Variants in CEP170 observed in about 807,000 individuals in gnomAD.
CEP170 encodes the protein centrosomal protein of 170 kDa.
CEP170 carries 21 observed loss-of-function variants against 151.9 expected under a neutral mutation model. That is an observed-to-expected ratio of 0.14 (90% CI 0.10 to 0.20). The LOEUF is 0.20. Ranked by LOEUF, CEP170 falls within the 10% of genes least tolerant of loss-of-function variation. CEP170 has a pLI of 1.00. For missense variants in CEP170, 964 were observed against 1,892.9 expected (o/e 0.51, Z 9.11); for synonymous variants, 356 against 648.8 (o/e 0.55, Z 6.86).
intron 3 of CEP170, among the ~76,000 whole-genome samples, chr1:243,213,861 T>G (rs1011372022): frequency 5.9e-5 from 9 of 152,112 alleles, no homozygotes; most frequent in African/African-American, 2.2e-4. Context: ...TAGAGGCTTG[T>G]GCCACCACAC....
intron 1 of CEP170, among the ~76,000 whole-genome samples, chr1:243,228,302 C>A (rs1221838620): frequency 1.3e-5 from 2 of 152,164 alleles, no homozygotes; most frequent in African/African-American, 4.8e-5. Context: ...AAAGCTACAA[C>A]AATCAACTCG....
intron 4 of CEP170, among the ~76,000 whole-genome samples, chr1:243,210,659 G>A (rs1211450619): frequency 9.0e-6 from 1 of 111,560 alleles, no homozygotes; most frequent in Non-Finnish European, 1.7e-5. Context: ...TCTGTTGCCA[G>A]GCTACAGTGC....
rs2066530047 is a variant in CEP170 at position 243,255,255 on chromosome 1, GC to G, written c.-258del. 1 of 152,856 alleles carries G rather than the reference GC, an allele frequency of 6.5e-6. No homozygotes were observed. The highest frequency in any genetic ancestry group is 2.1e-4 in the South Asian group (1 of 4,850). The allele number at this position is 152,856 out of a possible 1,614,324, so 9.5% of individuals were successfully genotyped here. ...ATAGCGGTAACGGCAAAGACCGACTGCCTAGTGCGCAGGCGCCTCGGGAAAG... is the reference window on the plus strand; with the variant it reads ...ATAGCGGTAACGGCAAAGACCGACTGCTAGTGCGCAGGCGCCTCGGGAAAG... On this transcript the variant is annotated 5_prime_UTR_variant, in exon 1 of 20. Transcript: ENST00000366542.
At position 243,125,982 on chromosome 1, in the gene CEP170, A is replaced by G. The variant is rs2053663750; in HGVS notation, c.*467T>C. On this transcript the variant is annotated 3_prime_UTR_variant, in exon 20 of 20. Transcript: ENST00000366542. ...TATGTCATTGTGTCCAATGGTAATGAGTACTAATATAAATCCTATTATTAA... is the reference window on the plus strand; with the variant it reads ...TATGTCATTGTGTCCAATGGTAATGGGTACTAATATAAATCCTATTATTAA... The G allele has an allele frequency of 2.7e-6, 1 of 367,892 alleles. No homozygotes were observed. Among genetic ancestry groups the G allele is most frequent in the Non-Finnish European group, 5.3e-6 (1 of 189,950 alleles). 22.8% of individuals were successfully genotyped at this position (367,892 alleles called of 1,614,324 possible). A position where few individuals can be genotyped will look rare whatever the true frequency, so the allele number is the denominator to read the frequency against.
At chr1:243,239,542 T>G (rs2064613911) in intron 1 of CEP170, among the ~76,000 whole-genome samples, 1 of 152,216 alleles carries the variant, frequency 6.6e-6, no homozygotes, top group Non-Finnish European at 1.5e-5. Context: ...GAATTCAAAC[T>G]CTTCAGTTTT....
chr1:243,184,751 T>C (rs1205343800), intron 10 of CEP170, among the ~76,000 whole-genome samples: 2 of 151,958 alleles, frequency 1.3e-5, no homozygotes, highest in Non-Finnish European at 2.9e-5. Flanking sequence ...CCCTCCTCCC[T>C]GAAGAGGCCA....
At chr1:243,193,023 A>C (rs2060411737) in intron 7 of CEP170, among the ~76,000 whole-genome samples, 1 of 152,122 alleles carries the variant, frequency 6.6e-6, no homozygotes, top group African/African-American at 2.4e-5. Flanking sequence ...AACATGAAAG[A>C]AAAGTATTGG....
chr1:243,196,238 T>C (rs936330266), intron 7 of CEP170, among the ~76,000 whole-genome samples: 3 of 152,038 alleles, frequency 2.0e-5, no homozygotes, highest in African/African-American at 7.2e-5. Context: ...GGCTGAAATA[T>C]TAAAACTTCT....
At chr1:243,180,537 A>G (rs1185644251) in intron 10 of CEP170, among the ~76,000 whole-genome samples, 2 of 152,222 alleles carry the variant, frequency 1.3e-5, no homozygotes, top group Non-Finnish European at 2.9e-5. Context: ...CTATTGTCCA[A>G]GGCTCTCACT....
At chr1:243,192,497 T>G (rs2060368381) in intron 7 of CEP170, among the ~76,000 whole-genome samples, 1 of 152,184 alleles carries the variant, frequency 6.6e-6, no homozygotes, top group Non-Finnish European at 1.5e-5. Flanking sequence ...AAGCAAAGCA[T>G]GTCCATTATC....
intron 1 of CEP170, among the ~76,000 whole-genome samples, chr1:243,229,557 C>T (rs1306089190): frequency 6.6e-6 from 1 of 152,142 alleles, no homozygotes; most frequent in African/African-American, 2.4e-5. Context: ...TTCATGGTAG[C>T]AGCTATCACT....
At chr1:243,227,248 T>A (rs2063371881) in intron 1 of CEP170, among the ~76,000 whole-genome samples, 1 of 148,846 alleles carries the variant, frequency 6.7e-6, no homozygotes, top group African/African-American at 2.5e-5. Context: ...TCTTGACAGC[T>A]CAAATATTAT....
chr1:243,212,624 A>G (rs2061909353), intron 3 of CEP170, among the ~76,000 whole-genome samples: 1 of 152,226 alleles, frequency 6.6e-6, no homozygotes, highest in African/African-American at 2.4e-5. Flanking sequence ...AAGACAAAAG[A>G]ATAACAGAAG....
chr1:243,212,352 C>A (rs2061883960), intron 3 of CEP170, among the ~76,000 whole-genome samples: 1 of 152,074 alleles, frequency 6.6e-6, no homozygotes, highest in Middle Eastern at 3.2e-3. Flanking sequence ...TATGTGTAAG[C>A]ATTGACATTT....
chr1:243,250,139 G>A (rs2065808191), intron 1 of CEP170, among the ~76,000 whole-genome samples: 1 of 152,104 alleles, frequency 6.6e-6, no homozygotes, highest in Admixed American at 6.6e-5. Flanking sequence ...CATCCGAATG[G>A]TTTTCATTAT....
At chr1:243,129,825 T>C (rs1013559101) in intron 17 of CEP170, among the ~76,000 whole-genome samples, 1 of 151,958 alleles carries the variant, frequency 6.6e-6, no homozygotes, top group African/African-American at 2.4e-5. Context: ...CAGTCAAGCA[T>C]GGTCCGTAAC....
intron 10 of CEP170, among the ~76,000 whole-genome samples, chr1:243,178,788 G>C (rs1257832238): frequency 6.6e-6 from 1 of 150,388 alleles, no homozygotes; most frequent in Non-Finnish European, 1.5e-5. Flanking sequence ...GCACAATCTT[G>C]GCTCACTGCA....
intron 10 of CEP170, among the ~76,000 whole-genome samples, chr1:243,174,559 TACC>T (rs1333912225): frequency 1.3e-5 from 2 of 152,244 alleles, no homozygotes; most frequent in African/African-American, 4.8e-5. Flanking sequence ...TTGAAAATTT[TACC>T]ACTAGATGGT....
chr1:243,181,142 G>T (rs1274889585), intron 10 of CEP170, among the ~76,000 whole-genome samples: 3 of 152,166 alleles, frequency 2.0e-5, no homozygotes, highest in African/African-American at 4.8e-5. Flanking sequence ...CCCTGACAAG[G>T]TCTTCCTCTT....
Sources: allele counts gnomAD v4.1 joint callset (sites outside exome capture counted in the v4.1 genomes callset), GRCh38; gene constraint gnomAD v4.1.1; transcripts MANE v1.5; gene names NCBI Gene and HGNC (gene_info 2026-07-23, HGNC 2026-07-21).